The following PRELID2 variants were observed in gnomAD, a reference collection of about 807,000 sequenced individuals.
PRELID2 encodes PRELI domain containing 2, also known as PRELI domain-containing protein 2.
A neutral mutation model predicts 28.4 loss-of-function variants in PRELID2; 25 were observed. That is an observed-to-expected ratio of 0.88 (90% CI 0.64 to 1.23). The LOEUF (loss-of-function observed/expected upper bound fraction) is 1.23. Ranked by LOEUF, PRELID2 falls within the 50% of genes most tolerant of loss-of-function variation. The pLI, the probability that PRELID2 is intolerant of heterozygous loss-of-function variation, is 0.00. For missense variants in PRELID2, 201 were observed against 214.4 expected (o/e 0.94, Z 0.39); for synonymous variants, 76 against 71.6 (o/e 1.06, Z -0.31).
chr5:145,644,124 C>T (rs1403238200), intron 1 of PRELID2, among the ~76,000 whole-genome samples: 2 of 152,140 alleles, frequency 1.3e-5, no homozygotes, highest in Non-Finnish European at 2.9e-5. Flanking sequence ...TAGAATTCGG[C>T]TGTGAATCCA....
rs558033679 is a variant in PRELID2 at position 145,779,606 on chromosome 5, C to T, written c.475-14606G>A. On this transcript the variant is annotated intron_variant, in intron 5 of 6. Coordinates refer to ENST00000683046, the MANE Select transcript of PRELID2 (RefSeq NM_205846.3). Reference sequence around the variant, plus strand: ...TCATTATGACTGTGTTTAAAATTTGCGTATGAGACTAGAAGGAAATACGCC... The same window carrying T: ...TCATTATGACTGTGTTTAAAATTTGTGTATGAGACTAGAAGGAAATACGCC... Among the ~76,000 whole-genome samples, 8 of 151,828 alleles carry T rather than the reference C, an allele frequency of 5.3e-5. No homozygotes were observed. The South Asian group carries it at 1.2e-3, about 24-fold the overall frequency.
intron 1 of PRELID2, among the ~76,000 whole-genome samples, chr5:145,659,001 A>G (rs1754442458): frequency 6.6e-6 from 1 of 152,202 alleles, no homozygotes; most frequent in Non-Finnish European, 1.5e-5. Context: ...CAGATGCATG[A>G]GAACTCAAGG....
the PRELID2 span, among the ~76,000 whole-genome samples, chr5:145,461,605 A>C: frequency 6.6e-6 from 1 of 152,182 alleles, no homozygotes. Flanking sequence ...CCCGGCCTTA[A>C]CTTCTAATCT....
At chr5:145,457,176 C>T in the PRELID2 span, among the ~76,000 whole-genome samples, 2 of 152,080 alleles carry the variant, frequency 1.3e-5, no homozygotes, top group Non-Finnish European at 2.9e-5. Context: ...ATAAAAAGAG[C>T]ATGAGCTTAC....
At chr5:145,566,397 C>CA (rs1223742150) in intron 1 of PRELID2, among the ~76,000 whole-genome samples, 6 of 152,184 alleles carry the variant, frequency 3.9e-5, no homozygotes, top group Non-Finnish European at 7.3e-5. Context: ...ATGTCTCCAA[C>CA]ACCAGCATTT....
At chr5:145,296,084 C>G in the PRELID2 span, among the ~76,000 whole-genome samples, 1 of 151,992 alleles carries the variant, frequency 6.6e-6, no homozygotes, top group Non-Finnish European at 1.5e-5. Flanking sequence ...AGAAATTATT[C>G]TTTTAAAACC....
chr5:145,770,995 T>C (rs1229606171), intron 5 of PRELID2, among the ~76,000 whole-genome samples: 1 of 152,190 alleles, frequency 6.6e-6, no homozygotes, highest in Admixed American at 6.5e-5. Flanking sequence ...TATAAATCTG[T>C]AGTAATGCAC....
chr5:145,378,247 T>C, the PRELID2 span, among the ~76,000 whole-genome samples: 48 of 152,132 alleles, frequency 3.2e-4, no homozygotes, highest in African/African-American at 1.0e-3. Context: ...CCTCAGAAAA[T>C]TTGCTGATTG....
chr5:145,435,073 C>A, the PRELID2 span, among the ~76,000 whole-genome samples: 2 of 152,168 alleles, frequency 1.3e-5, no homozygotes, highest in South Asian at 4.1e-4. Context: ...GTGGGCTAAG[C>A]ACTGCTGTAG....
At chr5:145,310,652 C>G in the PRELID2 span, among the ~76,000 whole-genome samples, 1 of 152,136 alleles carries the variant, frequency 6.6e-6, no homozygotes, top group South Asian at 2.1e-4. Context: ...TCAACTTCAC[C>G]CAAAGGTTAA....
chr5:145,264,838 G>C, the PRELID2 span, among the ~76,000 whole-genome samples: 2 of 151,804 alleles, frequency 1.3e-5, no homozygotes, highest in African/African-American at 4.8e-5. Flanking sequence ...GTCAGGCATG[G>C]TGGTGGGCGG....
At chr5:145,519,180 A>ATAAT (rs1752543743) in intron 1 of PRELID2, among the ~76,000 whole-genome samples, 2 of 152,208 alleles carry the variant, frequency 1.3e-5, no homozygotes, top group African/African-American at 4.8e-5. Flanking sequence ...GACTTCTTTT[A>ATAAT]TAATTCACAA....
intron 1 of PRELID2, among the ~76,000 whole-genome samples, chr5:145,672,604 A>T (rs1275928976): frequency 6.6e-6 from 1 of 152,102 alleles, no homozygotes; most frequent in Non-Finnish European, 1.5e-5. Context: ...AGAAAATGTG[A>T]AATGAGAGGA....
chr5:145,609,968 C>G (rs1283355079), intron 1 of PRELID2, among the ~76,000 whole-genome samples: 1 of 152,202 alleles, frequency 6.6e-6, no homozygotes, highest in Non-Finnish European at 1.5e-5. Context: ...CGACTGCAGC[C>G]TCTATTAGGG....
chr5:145,377,954 C>T, the PRELID2 span, among the ~76,000 whole-genome samples: 1 of 152,160 alleles, frequency 6.6e-6, no homozygotes, highest in African/African-American at 2.4e-5. Flanking sequence ...TATCACTGGT[C>T]TTCCTTCAAC....
At chr5:145,741,406 A>C (rs1269432587) in intron 1 of PRELID2, among the ~76,000 whole-genome samples, 1 of 101,652 alleles carries the variant, frequency 9.8e-6, no homozygotes, top group Non-Finnish European at 1.7e-5. Flanking sequence ...ATATAAACAA[A>C]ATTTATTTAT....
chr5:145,747,092 A>G (rs926961122), intron 1 of PRELID2, among the ~76,000 whole-genome samples: 1 of 152,146 alleles, frequency 6.6e-6, no homozygotes. Flanking sequence ...AAAGATCTCA[A>G]ATCAACACCC....
intron 1 of PRELID2, among the ~76,000 whole-genome samples, chr5:145,513,107 G>A (rs1752479702): frequency 6.6e-6 from 1 of 152,014 alleles, no homozygotes; most frequent in Non-Finnish European, 1.5e-5. Flanking sequence ...CTCCTCGCCA[G>A]CAAGGGAACA....
At chr5:145,448,525 G>C in the PRELID2 span, among the ~76,000 whole-genome samples, 4 of 152,120 alleles carry the variant, frequency 2.6e-5, no homozygotes, top group Non-Finnish European at 5.9e-5. Flanking sequence ...GAAGGCAGGG[G>C]TTGCAATCCT....
Sources: gnomAD v4.1 joint callset for allele counts (sites outside exome capture counted in the v4.1 genomes callset) on GRCh38, gnomAD v4.1.1 for gene constraint, MANE v1.5 for transcripts, NCBI Gene and HGNC (gene_info 2026-07-23, HGNC 2026-07-21) for gene names.